CSNK2A2IP: variants seen among roughly 807,000 people sequenced by gnomAD.
CSNK2A2IP encodes the protein casein kinase 2 subunit alpha' interacting protein.
chr3:88,353,820 G>A, the CSNK2A2IP span, among the ~76,000 whole-genome samples: 1 of 152,128 alleles, frequency 6.6e-6, no homozygotes, highest in African/African-American at 2.4e-5. Context: ...TTGAAATCTT[G>A]ACTTTTGTAT....
chr3:88,376,834 C>T, the CSNK2A2IP span, among the ~76,000 whole-genome samples: 1 of 151,660 alleles, frequency 6.6e-6, no homozygotes, highest in Admixed American at 6.6e-5. Flanking sequence ...GTTATTAAAC[C>T]CAATGACTTT....
At chr3:88,434,442 C>T in the CSNK2A2IP span, among the ~76,000 whole-genome samples, 1 of 151,974 alleles carries the variant, frequency 6.6e-6, no homozygotes, top group African/African-American at 2.4e-5. Context: ...ACCAGTCTGC[C>T]AAAATGGAGA....
chr3:88,389,334 GA>G, the CSNK2A2IP span, among the ~76,000 whole-genome samples: 3 of 152,174 alleles, frequency 2.0e-5, no homozygotes, highest in Admixed American at 6.5e-5. Flanking sequence ...ATCCCTGGAA[GA>G]AGGAGCAGCA....
At chr3:88,443,394 G>A in the CSNK2A2IP span, among the ~76,000 whole-genome samples, 2 of 152,104 alleles carry the variant, frequency 1.3e-5, no homozygotes, top group African/African-American at 4.8e-5. Context: ...GTAGGAATTA[G>A]GAAAAAGGAG....
chr3:88,340,699 G>C, the CSNK2A2IP span, among the ~76,000 whole-genome samples: 6 of 151,968 alleles, frequency 3.9e-5, no homozygotes, highest in Non-Finnish European at 8.8e-5. Flanking sequence ...ATAGCCTCAA[G>C]TATTTAAATA....
the CSNK2A2IP span, among the ~76,000 whole-genome samples, chr3:88,369,140 C>G: frequency 6.6e-6 from 1 of 151,902 alleles, no homozygotes; most frequent in Non-Finnish European, 1.5e-5. Flanking sequence ...ACTGGTTAGG[C>G]AACCTATTGA....
the CSNK2A2IP span, chr3:88,431,185 G>A: frequency 3.9e-5 from 6 of 152,188 alleles, no homozygotes; most frequent in African/African-American, 1.4e-4. Flanking sequence ...AGAATATTAA[G>A]TTTGGGGCTG....
chr3:88,433,485 G>A, the CSNK2A2IP span, among the ~76,000 whole-genome samples: 1 of 152,006 alleles, frequency 6.6e-6, no homozygotes, highest in Non-Finnish European at 1.5e-5. Flanking sequence ...TCAATATCTA[G>A]TTAATTTTGA....
the CSNK2A2IP span, among the ~76,000 whole-genome samples, chr3:88,347,363 C>T: frequency 6.6e-6 from 1 of 151,982 alleles, no homozygotes; most frequent in Non-Finnish European, 1.5e-5. Flanking sequence ...ACACTGCATG[C>T]TACAGAGAAG....
At chr3:88,411,350 C>CT in the CSNK2A2IP span, among the ~76,000 whole-genome samples, 11 of 146,658 alleles carry the variant, frequency 7.5e-5, no homozygotes, top group African/African-American at 2.6e-4. Flanking sequence ...CTCTATCTAT[C>CT]ATCTATCTAT....
the CSNK2A2IP span, among the ~76,000 whole-genome samples, chr3:88,363,432 T>C: frequency 6.6e-6 from 1 of 152,212 alleles, no homozygotes; most frequent in Non-Finnish European, 1.5e-5. Flanking sequence ...TCTACTTAAT[T>C]TTAATTGAAT....
chr3:88,370,789 T>C, the CSNK2A2IP span, among the ~76,000 whole-genome samples: 1 of 151,754 alleles, frequency 6.6e-6, no homozygotes, highest in Non-Finnish European at 1.5e-5. Flanking sequence ...TATTTGGAGA[T>C]GGAACCAATT....
chr3:88,460,712 TC>T, the CSNK2A2IP span, among the ~76,000 whole-genome samples: 1 of 152,206 alleles, frequency 6.6e-6, no homozygotes, highest in African/African-American at 2.4e-5. Context: ...TACCAGTAGC[TC>T]CAACTCTCTA....
At chr3:88,368,886 G>A in the CSNK2A2IP span, among the ~76,000 whole-genome samples, 2 of 151,950 alleles carry the variant, frequency 1.3e-5, no homozygotes, top group African/African-American at 2.4e-5. Flanking sequence ...GGAAGAGTGG[G>A]GAGGAACTTT....
chr3:88,341,918 T>G, the CSNK2A2IP span, among the ~76,000 whole-genome samples: 1 of 151,972 alleles, frequency 6.6e-6, no homozygotes, highest in Non-Finnish European at 1.5e-5. Context: ...ACTTAGTGTT[T>G]TGTCTCTTGA....
the CSNK2A2IP span, among the ~76,000 whole-genome samples, chr3:88,357,177 T>C: frequency 6.6e-6 from 1 of 152,178 alleles, no homozygotes; most frequent in Non-Finnish European, 1.5e-5. Flanking sequence ...AAGAGAAATC[T>C]TTGCTCAGCT....
chr3:88,403,375 AATTTG>A, the CSNK2A2IP span, among the ~76,000 whole-genome samples: 3 of 152,236 alleles, frequency 2.0e-5, no homozygotes, highest in South Asian at 4.1e-4. Context: ...TAGACTGGCT[AATTTG>A]ATTTATGGAG....
At chr3:88,435,958 ATG>A in the CSNK2A2IP span, among the ~76,000 whole-genome samples, 13 of 129,306 alleles carry the variant, frequency 1.0e-4, no homozygotes, top group Non-Finnish European at 2.1e-4. Flanking sequence ...AATGCACATT[ATG>A]TGTGCATTAT....
chr3:88,449,992 C>CA, the CSNK2A2IP span, among the ~76,000 whole-genome samples: 1 of 150,432 alleles, frequency 6.6e-6, no homozygotes, highest in South Asian at 2.1e-4. Flanking sequence ...CTCAGCCTCC[C>CA]AAGTAGCTGG....
Sources: gnomAD v4.1 joint callset for allele counts (sites outside exome capture counted in the v4.1 genomes callset) on GRCh38, gnomAD v4.1.1 for gene constraint, MANE v1.5 for transcripts, NCBI Gene and HGNC (gene_info 2026-07-23, HGNC 2026-07-21) for gene names.